The following TTC28 variants were observed in gnomAD, a reference collection of about 807,000 sequenced individuals.
TTC28 encodes the protein tetratricopeptide repeat domain 28.
Under a neutral mutation model 198.0 loss-of-function variants are expected in TTC28, and 61 were observed. That is an observed-to-expected ratio of 0.31 (90% CI 0.25 to 0.38). The LOEUF is 0.38. Ranked by LOEUF, TTC28 falls within the 10% of genes least tolerant of loss-of-function variation. The pLI, the probability that TTC28 is intolerant of heterozygous loss-of-function variation, is 1.00. For synonymous variants in TTC28, 1,171 were observed against 1,297.8 expected, an observed-to-expected ratio of 0.90 and a Z score of 2.10; for missense variants, 2,678 against 3,164.0, an observed-to-expected ratio of 0.85 and a Z score of 3.69.
chr22:28,403,280 G>A (rs892711861), intron 2 of TTC28, among the ~76,000 whole-genome samples: 2 of 152,136 alleles, frequency 1.3e-5, no homozygotes, highest in Non-Finnish European at 2.9e-5. Flanking sequence ...ATGGAAAAAC[G>A]ATTGGTCCAA....
chr22:28,258,947 C>T (rs1353284564), intron 5 of TTC28, among the ~76,000 whole-genome samples: 6 of 151,394 alleles, frequency 4.0e-5, no homozygotes, highest in African/African-American at 1.5e-4. Context: ...CAACCTCACA[C>T]TTTCAACCCT....
chr22:27,990,699 C>A, intron 20 of TTC28, 90 bp downstream of exon 20: 1 of 1,333,272 alleles, frequency 7.5e-7, no homozygotes, highest in Non-Finnish European at 1.0e-6. Context: ...AGCACGTGCA[C>A]CCCGAGCTCA....
chr22:28,209,336 G>C (rs1233254471), intron 5 of TTC28, among the ~76,000 whole-genome samples: 1 of 152,164 alleles, frequency 6.6e-6, no homozygotes, highest in African/African-American at 2.4e-5. Flanking sequence ...AGCAGGGCGG[G>C]GCATCGCCTC....
rs1423244189 is a variant in TTC28, at chr22:28,307,234, T to C, written c.382-591A>G. Reference sequence around the variant, plus strand: ...GCTTAGAAACCAAAAAAGGTTATTATCCTTTGTATTCTTTAAGTGAATTAT... The same window carrying C: ...GCTTAGAAACCAAAAAAGGTTATTACCCTTTGTATTCTTTAAGTGAATTAT... On this transcript the variant is annotated intron_variant, in intron 2 of 22. Coordinates refer to ENST00000397906, the MANE Select transcript of TTC28 (RefSeq NM_001145418.2). Among the ~76,000 whole-genome samples the C allele has an allele frequency of 2.0e-5, 3 of 152,324 alleles. No homozygotes were observed. In the East Asian group the frequency reaches 5.8e-4, roughly 29 times the overall value.
chr22:27,999,142 G>A lies in TTC28; in HGVS notation c.4517C>T (p.Ser1506Leu), dbSNP rs1488760515. Residue 1506 changes from serine to leucine, a missense_variant, in exon 16 of 23, where the codon TCG (serine) becomes TTG (leucine). This residue lies in a region of TTC28 where 727 missense variants were observed against 861.9 expected (regional missense o/e 0.84). Transcript: ENST00000397906. Reference protein sequence around the residue: ...MDRWLWGPMPSAEEEAYMVSE... With the variant: ...MDRWLWGPMPLAEEEAYMVSE... ...CACCATGTAGGCCTCTTCCTCGGCC[G>A]ATGGCATGGGCCCCCACAGCCACCT... 2.3e-5 allele frequency: 35 copies of A among 1,550,426 alleles called. No individual in the cohort carries two copies. The East Asian group carries it at 4.4e-4, about 19-fold the overall frequency.
At chr22:28,055,318 G>A (rs1281911320) in intron 12 of TTC28, among the ~76,000 whole-genome samples, 1 of 152,114 alleles carries the variant, frequency 6.6e-6, no homozygotes, top group African/African-American at 2.4e-5. Flanking sequence ...CCTGTAGAAC[G>A]ATTAGTGGAA....
intron 2 of TTC28, among the ~76,000 whole-genome samples, chr22:28,558,078 T>C (rs1426725535): frequency 1.3e-5 from 2 of 152,228 alleles, no homozygotes; most frequent in Non-Finnish European, 2.9e-5. Context: ...TTTCACTTAA[T>C]TTCTACAAGT....
At chr22:28,263,715 T>C (rs148547121) in intron 5 of TTC28, among the ~76,000 whole-genome samples, 191 of 152,220 alleles carry the variant, frequency 1.3e-3, no homozygotes, top group African/African-American at 4.1e-3. Context: ...AGGGATCACA[T>C]TGATGAAGCA....
intron 2 of TTC28, among the ~76,000 whole-genome samples, chr22:28,365,577 A>G (rs2046234379): frequency 6.6e-6 from 1 of 152,238 alleles, no homozygotes; most frequent in African/African-American, 2.4e-5. Context: ...ATTAGTGCTA[A>G]TGGGCTCAGG....
At chr22:28,674,908 A>G (rs2051958100) in intron 1 of TTC28, among the ~76,000 whole-genome samples, 1 of 151,986 alleles carries the variant, frequency 6.6e-6, no homozygotes. Context: ...CCTAAAATCC[A>G]TTTGGAAATA....
At chr22:28,153,808 C>T (rs978489218) in intron 6 of TTC28, among the ~76,000 whole-genome samples, 2 of 152,102 alleles carry the variant, frequency 1.3e-5, no homozygotes, top group Non-Finnish European at 2.9e-5. Context: ...TAAAAAGAGA[C>T]AGTTGTTTTT....
rs548192434 is a variant in TTC28, at chr22:28,213,953, C to A, written c.934-50354G>T. 2.9e-4 allele frequency among the ~76,000 whole-genome samples: 44 copies of A among 152,222 alleles called. No individual in the cohort carries two copies. The South Asian group carries it at 8.7e-3, about 30-fold the overall frequency. On this transcript the variant is annotated intron_variant, in intron 5 of 22. Coordinates refer to ENST00000397906, the MANE Select transcript of TTC28 (RefSeq NM_001145418.2). ...AGAGATATAGACCAATGGAACAGAACAGAGCCCTCAGAAATAATGCCGCAT... is the reference window on the plus strand; with the variant it reads ...AGAGATATAGACCAATGGAACAGAAAAGAGCCCTCAGAAATAATGCCGCAT...
chr22:28,266,163 G>A (rs1457283418), intron 5 of TTC28, among the ~76,000 whole-genome samples: 1 of 149,456 alleles, frequency 6.7e-6, no homozygotes, highest in African/African-American at 2.5e-5. Context: ...TTGGGCAACA[G>A]AGCGAGACTC....
chr22:28,211,863 T>C (rs1926999025), intron 5 of TTC28, among the ~76,000 whole-genome samples: 2 of 152,136 alleles, frequency 1.3e-5, no homozygotes, highest in African/African-American at 4.8e-5. Context: ...TATTCCAAAA[T>C]TGACCACATA....
intron 6 of TTC28, among the ~76,000 whole-genome samples, chr22:28,113,221 C>T (rs73880394): frequency 0.011 from 1,730 of 152,128 alleles, 46 homozygotes; most frequent in African/African-American, 0.039. Flanking sequence ...CTCGGTGCAC[C>T]GCCACAAACA....
chr22:28,390,989 C>T (rs1366250526), intron 2 of TTC28, among the ~76,000 whole-genome samples: 2 of 152,158 alleles, frequency 1.3e-5, no homozygotes, highest in Non-Finnish European at 2.9e-5. Context: ...TCAGTTGTTC[C>T]TTTCCATGTT....
chr22:28,277,190 T>C (rs1385851594), intron 5 of TTC28, among the ~76,000 whole-genome samples: 2 of 152,224 alleles, frequency 1.3e-5, no homozygotes, highest in African/African-American at 4.8e-5. Flanking sequence ...TTAGCGAGTC[T>C]GCAGAAGAAT....
At chr22:28,468,725 G>C (rs2048059997) in intron 2 of TTC28, among the ~76,000 whole-genome samples, 1 of 137,668 alleles carries the variant, frequency 7.3e-6, no homozygotes, top group Non-Finnish European at 1.6e-5. Flanking sequence ...TTTTAGTAGA[G>C]ACGGGGTTTC....
chr22:28,112,655 T>G (rs1942518405), intron 6 of TTC28, among the ~76,000 whole-genome samples: 1 of 152,166 alleles, frequency 6.6e-6, no homozygotes, highest in Non-Finnish European at 1.5e-5. Flanking sequence ...TTGAGGCAAC[T>G]TAAAAGCGGC....
Sources: allele counts gnomAD v4.1 joint callset (sites outside exome capture counted in the v4.1 genomes callset), GRCh38; gene constraint gnomAD v4.1.1; regional missense constraint gnomAD v4.1.1; transcripts MANE v1.5; gene names NCBI Gene and HGNC (gene_info 2026-07-23, HGNC 2026-07-21).